The following EXT2 variants were observed in gnomAD, a reference collection of about 807,000 sequenced individuals.
EXT2 encodes the protein exostosin glycosyltransferase 2, also known as exostosin-2.
Under a neutral mutation model 81.6 loss-of-function variants are expected in EXT2, and 53 were observed. That is an observed-to-expected ratio of 0.65 (90% CI 0.52 to 0.82). EXT2 has a LOEUF of 0.82. EXT2 is among the 40% of genes least tolerant of loss of function. EXT2 has a pLI of 0.00. For synonymous variants in EXT2, 320 were observed against 340.0 expected, an observed-to-expected ratio of 0.94 and a Z score of 0.65; for missense variants, 774 against 910.2, an observed-to-expected ratio of 0.85 and a Z score of 1.93.
chr11:44,247,910 T>TA lies in EXT2; in HGVS notation c.*3627dup, dbSNP rs1376527615. Among the ~76,000 whole-genome samples, 5 of 152,226 alleles carry TA rather than the reference T, an allele frequency of 3.3e-5. No individual in the cohort carries two copies. ...ACAGGTTCTGAAGTTGATTTGAGGT[T>TA]AAAATCCAAGAACCTTTGATAGTTT... On this transcript the variant is annotated 3_prime_UTR_variant, in exon 14 of 14. Coordinates refer to ENST00000533608, the MANE Select transcript of EXT2 (RefSeq NM_207122.2).
chr11:44,237,901 T>TCA, intron 13 of EXT2, among the ~76,000 whole-genome samples: 1 of 95,736 alleles, frequency 1.0e-5, no homozygotes, highest in Non-Finnish European at 2.0e-5. Flanking sequence ...CCGTCTCTAC[T>TCA]TAAAAAAAAA....
intron 7 of EXT2, among the ~76,000 whole-genome samples, chr11:44,135,287 T>A (rs1251663755): frequency 6.6e-6 from 1 of 152,180 alleles, no homozygotes; most frequent in African/African-American, 2.4e-5. Context: ...ATAGCCGTAG[T>A]AGTTTGGAAG....
intron 8 of EXT2, among the ~76,000 whole-genome samples, chr11:44,179,750 A>G (rs974614847): frequency 3.3e-5 from 5 of 152,134 alleles, no homozygotes; most frequent in South Asian, 4.1e-4. Context: ...GTGTCTCCCA[A>G]TTGATTAATA....
chr11:44,132,403 A>G (rs1192826502), intron 7 of EXT2, among the ~76,000 whole-genome samples: 7 of 152,192 alleles, frequency 4.6e-5, no homozygotes, highest in Admixed American at 4.6e-4. Flanking sequence ...CTTTTGGGTT[A>G]TTTGGGTTCA....
At position 44,124,744 on chromosome 11, in the gene EXT2, C is replaced by T. The variant is rs200625314; in HGVS notation, c.744-45C>T. 1,418 of 1,572,318 alleles carry T rather than the reference C, an allele frequency of 9.0e-4. 17 individuals carry two copies. In the South Asian group the frequency reaches 0.011, roughly 12 times the overall value. On this transcript the variant is annotated intron_variant, in intron 4 of 13. Coordinates refer to ENST00000533608, the MANE Select transcript of EXT2 (RefSeq NM_207122.2). ...TCAAAGTTTGTCTTACCTTGACTAA[C>T]ATACCAGCTGCAATTTTCCAATCAC...
chr11:44,157,441 G>A (rs955598952), intron 7 of EXT2, among the ~76,000 whole-genome samples: 1 of 152,204 alleles, frequency 6.6e-6, no homozygotes, highest in African/African-American at 2.4e-5. Flanking sequence ...CATCCAAGCT[G>A]CAAGTCCTTC....
chr11:44,178,792 G>C (rs1341428391), intron 8 of EXT2, among the ~76,000 whole-genome samples: 1 of 110,586 alleles, frequency 9.0e-6, no homozygotes, highest in Non-Finnish European at 2.0e-5. Flanking sequence ...CTACTGCCTA[G>C]ATATGATTAA....
intron 3 of EXT2, 34 bp from the exon 4 acceptor site, chr11:44,114,151 T>C (rs2134983890): frequency 6.3e-7 from 1 of 1,575,456 alleles, no homozygotes; most frequent in Middle Eastern, 1.7e-4. Context: ...AAGTCCTTTC[T>C]TTCTCATCGT....
chr11:44,216,077 C>G (rs977287894), intron 10 of EXT2, among the ~76,000 whole-genome samples: 3 of 151,922 alleles, frequency 2.0e-5, no homozygotes, highest in Non-Finnish European at 4.4e-5. Context: ...GGGGTTTCAC[C>G]TTGTTAGCCA....
chr11:44,115,355 GT>G (rs1465412038), intron 4 of EXT2, among the ~76,000 whole-genome samples: 1 of 152,036 alleles, frequency 6.6e-6, no homozygotes, highest in African/African-American at 2.4e-5. Context: ...GCATCCAGCT[GT>G]TTTTTTAAAC....
At chr11:44,131,355 T>A (rs1352341687) in intron 7 of EXT2, among the ~76,000 whole-genome samples, 1 of 152,196 alleles carries the variant, frequency 6.6e-6, no homozygotes, top group Non-Finnish European at 1.5e-5. Context: ...GAACTTCTTA[T>A]CGACACAGAT....
rs564588307 is a variant in EXT2, at chr11:44,249,071, G to A, written c.*4784G>A. ...GAGTGTAGTGCTGTGATCATGGCTCGCTGCAGCCTCAAACTCCTGGACTCA... is the reference window on the plus strand; with the variant it reads ...GAGTGTAGTGCTGTGATCATGGCTCACTGCAGCCTCAAACTCCTGGACTCA... On this transcript the variant is annotated 3_prime_UTR_variant, in exon 14 of 14. Transcript: ENST00000533608. 4.6e-5 allele frequency among the ~76,000 whole-genome samples: 7 copies of A among 151,916 alleles called. No homozygotes were observed. The South Asian group carries it at 1.2e-3, about 27-fold the overall frequency.
intron 11 of EXT2, 143 bp downstream of exon 11, chr11:44,232,639 T>C (rs1049139236): frequency 3.6e-6 from 4 of 1,097,838 alleles, no homozygotes; most frequent in Non-Finnish European, 5.2e-6. Context: ...AAGCTATCCT[T>C]TTTCTAATTA....
chr11:44,167,265 C>T (rs1372824467), intron 7 of EXT2, among the ~76,000 whole-genome samples: 1 of 152,144 alleles, frequency 6.6e-6, no homozygotes, highest in African/African-American at 2.4e-5. Flanking sequence ...AGAGTGTTTG[C>T]CAACTCCTAA....
At chr11:44,102,258 G>A (rs1333004295) in intron 1 of EXT2, among the ~76,000 whole-genome samples, 1 of 152,178 alleles carries the variant, frequency 6.6e-6, no homozygotes, top group African/African-American at 2.4e-5. Context: ...GCTGATAACA[G>A]TACCAGGCAA....
At chr11:44,125,005 C>T in intron 5 of EXT2, 21 bp downstream of exon 5, 2 of 1,609,412 alleles carry the variant, frequency 1.2e-6, no homozygotes, top group African/African-American at 1.3e-5. Flanking sequence ...TTCATTACCT[C>T]TCGCAAAGGC....
intron 10 of EXT2, among the ~76,000 whole-genome samples, chr11:44,216,303 C>T (rs1214961810): frequency 1.3e-5 from 2 of 152,176 alleles, no homozygotes; most frequent in African/African-American, 4.8e-5. Flanking sequence ...TGTAATGATT[C>T]TAAGCCATCA....
chr11:44,108,206 T>G lies in EXT2; in HGVS notation c.494T>G (p.Leu165Arg), dbSNP rs769223470. ...PSIDVLNQNT[L>R]RIKETAQAMA... ...ATCGATGTGCTTAACCAGAACACAC[T>G]GCGCATCAAGGAGACAGCACAAGCG... is the stretch of plus-strand genomic sequence containing the variant. The change falls in exon 2 of 14, where the codon CTG (leucine) becomes CGG (arginine). Residue 165 changes from leucine to arginine, a missense_variant. Coordinates refer to ENST00000533608, the MANE Select transcript of EXT2 (RefSeq NM_207122.2). 6.2e-7 allele frequency: 1 copy of G among 1,613,694 alleles called. No homozygotes were observed. The highest frequency in any genetic ancestry group is 8.5e-7 in the Non-Finnish European group (1 of 1,180,024).
rs751128286 is a variant in EXT2 at position 44,171,655 on chromosome 11, T to C, written c.1218T>C (p.Ile406=). 6.2e-7 allele frequency: 1 copy of C among 1,614,178 alleles called. No individual in the cohort carries two copies. The highest frequency in any genetic ancestry group is 1.1e-5 in the South Asian group (1 of 91,084). ...WEAYFQSIKA[I]ALATLQIIND... ...CGTACTTCCAGTCAATTAAAGCCAT[T>C]GCCCTGGCCACCCTGCAGATTATCA... is the stretch of plus-strand genomic sequence containing the variant. The change falls in exon 8 of 14, where the codon ATT becomes ATC. Residue 406 remains isoleucine (I), a synonymous_variant. Coordinates refer to ENST00000533608, the MANE Select transcript of EXT2 (RefSeq NM_207122.2).
Sources: gnomAD v4.1 joint callset for allele counts (sites outside exome capture counted in the v4.1 genomes callset) on GRCh38, gnomAD v4.1.1 for gene constraint, MANE v1.5 for transcripts, NCBI Gene and HGNC (gene_info 2026-07-23, HGNC 2026-07-21) for gene names.